BCAS3: variants seen among roughly 807,000 people sequenced by gnomAD.
BCAS3 encodes the protein BCAS4/BCAS3 fusion.
A neutral mutation model predicts 116.1 loss-of-function variants in BCAS3; 53 were observed. The observed-to-expected ratio is 0.46, with a 90% CI of 0.37 to 0.57. BCAS3 has a LOEUF of 0.57. Among genes scored for constraint, BCAS3 ranks in the 20% least tolerant of loss-of-function variants. The probability of loss-of-function intolerance (pLI) is 0.00; values close to 1 mark genes in which losing one functional copy is unlikely to be tolerated. For missense variants in BCAS3, 917 were observed against 1,165.4 expected (o/e 0.79, Z 3.10); for synonymous variants, 391 against 408.2 (o/e 0.96, Z 0.51).
chr17:60,730,337 C>T (rs550832905), intron 5 of BCAS3, among the ~76,000 whole-genome samples: 14 of 152,236 alleles, frequency 9.2e-5, no homozygotes, highest in African/African-American at 2.6e-4. Flanking sequence ...TTCCTGCCTG[C>T]CTGAAGTTTT....
At chr17:61,060,217 C>G (rs2069846969) in intron 19 of BCAS3, among the ~76,000 whole-genome samples, 1 of 151,992 alleles carries the variant, frequency 6.6e-6, no homozygotes, top group African/African-American at 2.4e-5. Context: ...AGCTCCCCCT[C>G]CCAGGTTCAC....
chr17:60,807,925 A>G, intron 6 of BCAS3, 79 bp from the exon 7 acceptor site: 2 of 1,008,696 alleles, frequency 2.0e-6, no homozygotes, highest in Non-Finnish European at 3.0e-6. Flanking sequence ...CTTTTCAAGT[A>G]TTTTGAAAGC....
chr17:60,987,470 A>G (rs1320893863), intron 14 of BCAS3, among the ~76,000 whole-genome samples: 1 of 152,060 alleles, frequency 6.6e-6, no homozygotes, highest in Non-Finnish European at 1.5e-5. Flanking sequence ...ACCAATCCAT[A>G]AACATGGAAT....
At chr17:60,740,719 G>A (rs766762882) in intron 5 of BCAS3, among the ~76,000 whole-genome samples, 11 of 152,018 alleles carry the variant, frequency 7.2e-5, no homozygotes, top group Non-Finnish European at 1.6e-4. Flanking sequence ...AAGGTAAGAG[G>A]AGATTGGATT....
At chr17:61,090,719 G>A (rs916654828) in intron 22 of BCAS3, among the ~76,000 whole-genome samples, 29 of 151,836 alleles carry the variant, frequency 1.9e-4, no homozygotes, top group Admixed American at 2.6e-4. Flanking sequence ...GTGCAGTGGC[G>A]TGATCTTGGC....
rs1377112446 is a variant in BCAS3 at position 61,337,062 on chromosome 17, A to G, written c.2426-31265A>G. 1.3e-5 allele frequency among the ~76,000 whole-genome samples: 2 copies of G among 152,042 alleles called. No individual in the cohort carries two copies. Among genetic ancestry groups the G allele is most frequent in the Non-Finnish European group, 2.9e-5 (2 of 67,992 alleles). ...TGGGAGGTGGAGGTTGCAGTGAGCC[A>G]AGATTGCCTCATTGCACTCCAGCCT... On this transcript the variant is annotated intron_variant, in intron 22 of 23. Coordinates refer to ENST00000407086, the MANE Select transcript of BCAS3 (RefSeq NM_017679.5). This position sits in a 1 kb window ranked among gnomAD's most constrained non-coding sequence, Gnocchi z 4.8.
intron 7 of BCAS3, among the ~76,000 whole-genome samples, chr17:60,862,200 G>A (rs2054216449): frequency 6.6e-6 from 1 of 152,094 alleles, no homozygotes; most frequent in Non-Finnish European, 1.5e-5. Context: ...GGAGAATGGC[G>A]TGAACCCAGG....
Position 61,204,545 on chromosome 17 carries a change from C to T in BCAS3, c.2425+119981C>T, listed in dbSNP as rs540227757. Among the ~76,000 whole-genome samples, 6 of 152,116 alleles carry T rather than the reference C, an allele frequency of 3.9e-5. No homozygotes were observed. The East Asian group carries it at 9.6e-4, about 24-fold the overall frequency. ...TTAAAAATAACAAAATGTGTTGTTG[C>T]TTCATCATTGTAACTTTCTTAAAAA... On this transcript the variant is annotated intron_variant, in intron 22 of 23. Coordinates refer to ENST00000407086, the MANE Select transcript of BCAS3 (RefSeq NM_017679.5). This position sits in a 1 kb window ranked among gnomAD's most constrained non-coding sequence, Gnocchi z 4.2.
chr17:61,359,504 T>TG (rs57264821), intron 22 of BCAS3, among the ~76,000 whole-genome samples: 5,786 of 151,096 alleles, frequency 0.038, 390 homozygotes, highest in African/African-American at 0.13. Flanking sequence ...GGTTTTGTTT[T>TG]TTTTTTTTGA....
chr17:61,125,092 T>C, intron 22 of BCAS3, among the ~76,000 whole-genome samples: 1 of 152,234 alleles, frequency 6.6e-6, no homozygotes, highest in Admixed American at 6.5e-5. Flanking sequence ...TTTTTAGTTT[T>C]GAATGTCTAG....
rs752524305 is a variant in BCAS3, at chr17:60,973,586, A to ATATATATATATATATAT, written c.1222-16385_1222-16384insTATATATATATATATAT. 2.1e-3 allele frequency among the ~76,000 whole-genome samples: 290 copies of ATATATATATATATATAT among 137,878 alleles called. 6 individuals are homozygous for ATATATATATATATATAT. The highest frequency in any genetic ancestry group is 7.3e-3 in the African/African-American group (253 of 34,868). The allele number at this position is 137,878 out of a possible 152,430, so 90.5% of individuals were successfully genotyped here. A position where few individuals can be genotyped will look rare whatever the true frequency, so the allele number is the denominator to read the frequency against. The stretch of plus-strand genomic sequence containing the variant: ...TAGACATTGCTATTACCTTATTATT[A>ATATATATATATATATAT]ATATATATATATATATATATATGTA... On this transcript the variant is annotated intron_variant, in intron 14 of 23. Transcript: ENST00000407086.
At chr17:61,119,375 C>G (rs1164623837) in intron 22 of BCAS3, among the ~76,000 whole-genome samples, 3 of 151,960 alleles carry the variant, frequency 2.0e-5, no homozygotes. Flanking sequence ...GTGATTTATC[C>G]CATATTATAA....
intron 5 of BCAS3, among the ~76,000 whole-genome samples, chr17:60,721,527 A>G (rs992385170): frequency 9.2e-5 from 14 of 151,920 alleles, no homozygotes; most frequent in Admixed American, 2.6e-4. Context: ...TAGTGGCGTG[A>G]CTCTTGTTGA....
intron 22 of BCAS3, among the ~76,000 whole-genome samples, chr17:61,232,605 A>G (rs2082757274): frequency 6.6e-6 from 1 of 152,120 alleles, no homozygotes; most frequent in Non-Finnish European, 1.5e-5. Context: ...GAAAATCTTC[A>G]AAAACCCATC....
At chr17:60,683,570 G>A (rs2033564658) in intron 2 of BCAS3, among the ~76,000 whole-genome samples, 1 of 101,948 alleles carries the variant, frequency 9.8e-6, no homozygotes, top group African/African-American at 3.8e-5. Flanking sequence ...TATGAGTGAT[G>A]CCTGTAATCC....
At chr17:61,015,702 G>A (rs1015304606) in intron 15 of BCAS3, 49 bp from the exon 16 acceptor site, 1 of 1,589,184 alleles carries the variant, frequency 6.3e-7, no homozygotes, top group South Asian at 1.1e-5. Context: ...GAGAACGGGA[G>A]ATAGAGAACC....
intron 22 of BCAS3, among the ~76,000 whole-genome samples, chr17:61,096,431 C>T (rs974096067): frequency 3.9e-5 from 6 of 152,124 alleles, no homozygotes; most frequent in Middle Eastern, 3.2e-3. Flanking sequence ...GTGGTATGCA[C>T]CTGTAGTCTT....
At chr17:60,882,829 G>A (rs1333950108) in intron 9 of BCAS3, among the ~76,000 whole-genome samples, 1 of 143,970 alleles carries the variant, frequency 6.9e-6, no homozygotes, top group Non-Finnish European at 1.5e-5. Flanking sequence ...GTACCATGCT[G>A]TTTTGGTTAC....
At chr17:61,252,056 G>A (rs958359542) in intron 22 of BCAS3, among the ~76,000 whole-genome samples, 2 of 152,206 alleles carry the variant, frequency 1.3e-5, no homozygotes, top group African/African-American at 4.8e-5. Context: ...TTTATAACAC[G>A]AAGTACTAAA....
Sources: gnomAD v4.1 joint callset for allele counts (sites outside exome capture counted in the v4.1 genomes callset) on GRCh38, gnomAD v4.1.1 for gene constraint, Gnocchi (gnomAD v3.1) non-coding constraint, MANE v1.5 for transcripts, NCBI Gene and HGNC (gene_info 2026-07-23, HGNC 2026-07-21) for gene names.